MOV10: variants seen among roughly 807,000 people sequenced by gnomAD.
MOV10 encodes RNA helicase MOV-10.
In MOV10, 39 loss-of-function variants were observed where a neutral mutation model predicts 108.4. That is an observed-to-expected ratio of 0.36 (90% CI 0.28 to 0.47). The LOEUF is 0.47. Among genes scored for constraint, MOV10 ranks in the 20% least tolerant of loss-of-function variants. MOV10 has a pLI of 1.00. For missense variants in MOV10, 952 were observed against 1,297.6 expected (o/e 0.73, Z 4.09); for synonymous variants, 490 against 523.1 (o/e 0.94, Z 0.86).
chr1:112,695,928 G>A (rs770305784), intron 11 of MOV10, among the ~76,000 whole-genome samples: 1 of 152,210 alleles, frequency 6.6e-6, no homozygotes, highest in Admixed American at 6.5e-5. Flanking sequence ...TGTAGCCCCA[G>A]CTACTCGGGA....
Position 112,700,314 on chromosome 1 carries a change from T to C in MOV10, c.2894T>C (p.Leu965Pro). ...CAGGGACAGAATTTACTGCAAGGTC[T>C]GAGCAAGCTCAGCCCCTCTACCTCA... Reference protein sequence around the residue: ...LQQGQNLLQGLSKLSPSTSGP... With the variant: ...LQQGQNLLQGPSKLSPSTSGP... The change falls in exon 20 of 21, where the codon CTG becomes CCG. Residue 965 changes from leucine (L) to proline (P), a missense_variant. Transcript: ENST00000369645. The C allele has an allele frequency of 6.2e-7, 1 of 1,614,236 alleles. No homozygotes were observed. The highest frequency in any genetic ancestry group is 8.5e-7 in the Non-Finnish European group (1 of 1,180,034).
intron 5 of MOV10, 22 bp from the exon 6 acceptor site, chr1:112,691,643 T>C: frequency 6.2e-7 from 1 of 1,608,790 alleles, no homozygotes; most frequent in African/African-American, 1.3e-5. Flanking sequence ...GTTTTCTGTG[T>C]TTTCTTCCCT....
intron 2 of MOV10, among the ~76,000 whole-genome samples, chr1:112,682,979 G>T (rs948802993): frequency 6.6e-6 from 1 of 150,604 alleles, no homozygotes; most frequent in East Asian, 1.9e-4. Context: ...GAGTGCAATG[G>T]CATGATCTTG....
Position 112,694,951 on chromosome 1 carries a change from A to T in MOV10, c.1620+55A>T. 1.9e-6 allele frequency: 3 copies of T among 1,549,358 alleles called. No homozygotes were observed. The highest frequency in any genetic ancestry group is 2.6e-6 in the Non-Finnish European group (3 of 1,142,434). ...CACTCTGATTCCCCCAGCACCAAGC[A>T]GTTGTCCCCAGATTCTAGTTCCTTC... On this transcript the variant is annotated intron_variant, in intron 10 of 20. Transcript: ENST00000369645. This position sits in a 1 kb window ranked among gnomAD's most constrained non-coding sequence, Gnocchi z 4.1.
chr1:112,689,377 TCCCACCCCA>T, intron 3 of MOV10, 29 bp from the exon 4 acceptor site: 1 of 792,812 alleles, frequency 1.3e-6, no homozygotes, highest in Non-Finnish European at 2.2e-6. Context: ...GTCAGACCGC[TCCCACCCCA>T]ACCCCCCCTT....
Position 112,689,836 on chromosome 1 carries a change from C to T in MOV10, c.578-4C>T. ...CCCCCATTCACTCATCCATTCTCCT[C>T]CAGGTGAATGCTATGAACTCCATGT... On this transcript the variant is annotated splice_polypyrimidine_tract_variant and splice_region_variant and intron_variant, in intron 4 of 20. Coordinates refer to ENST00000369645, the MANE Select transcript of MOV10 (RefSeq NM_001321324.2). 2 of 1,613,236 alleles carry T rather than the reference C, an allele frequency of 1.2e-6. No homozygotes were observed. The highest frequency in any genetic ancestry group is 1.7e-6 in the Non-Finnish European group (2 of 1,179,368).
In MOV10 at chr1:112,694,442, T is replaced by G; in HGVS notation, c.1296-11T>G. ...CCCCAACAAACTCTTACCACCTCTC[T>G]CTGCCCAAAGCCTCCTGAGCCGCTT... On this transcript the variant is annotated splice_polypyrimidine_tract_variant and intron_variant, in intron 8 of 20. Transcript: ENST00000369645. The surrounding 1 kb of genome is among the most constrained non-coding windows in gnomAD (Gnocchi z 4.1). 1 of 1,613,870 alleles carries G rather than the reference T, an allele frequency of 6.2e-7. No homozygotes were observed. Among genetic ancestry groups the G allele is most frequent in the African/African-American group, 1.3e-5 (1 of 75,028 alleles).
intron 14 of MOV10, among the ~76,000 whole-genome samples, chr1:112,697,114 G>A (rs1240106886): frequency 6.6e-6 from 1 of 152,102 alleles, no homozygotes; most frequent in Non-Finnish European, 1.5e-5. Context: ...GGTGTGTCTG[G>A]TACCAGTCCC....
chr1:112,698,896 CT>C, intron 17 of MOV10, 107 bp downstream of exon 17: 1 of 942,756 alleles, frequency 1.1e-6, no homozygotes. Flanking sequence ...CGTCCCACCC[CT>C]GCTGCCTTGA....
intron 10 of MOV10, among the ~76,000 whole-genome samples, chr1:112,695,171 G>A (rs1173841242): frequency 6.6e-6 from 1 of 152,112 alleles, no homozygotes; most frequent in African/African-American, 2.4e-5. Flanking sequence ...GCTGCAGTGC[G>A]ATTGTGCCAC....
intron 6 of MOV10, among the ~76,000 whole-genome samples, chr1:112,692,096 G>A (rs375123390): frequency 1.3e-5 from 2 of 152,168 alleles, no homozygotes; most frequent in Non-Finnish European, 2.9e-5. Flanking sequence ...TTGGGAGGCC[G>A]AGGCAGGTGG....
chr1:112,688,852 C>T, intron 2 of MOV10, 83 bp from the exon 3 acceptor site: 1 of 1,593,792 alleles, frequency 6.3e-7, no homozygotes, highest in Non-Finnish European at 8.5e-7. Flanking sequence ...CAGAGTGACC[C>T]TCCGATGCCC....
intron 2 of MOV10, among the ~76,000 whole-genome samples, chr1:112,681,846 A>G (rs1672678237): frequency 1.3e-5 from 2 of 151,112 alleles, no homozygotes; most frequent in African/African-American, 4.9e-5. Flanking sequence ...ATTATCAGCT[A>G]GAGTTCAAAA....
chr1:112,693,225 T>C (rs1328659767), intron 7 of MOV10, among the ~76,000 whole-genome samples: 3 of 152,170 alleles, frequency 2.0e-5, no homozygotes, highest in African/African-American at 7.2e-5. Flanking sequence ...TTCTTAGAGC[T>C]CTTTCTGGCT....
At position 112,694,418 on chromosome 1, in the gene MOV10, C is replaced by A; in HGVS notation, c.1296-35C>A. The A allele has an allele frequency of 5.6e-6, 9 of 1,612,824 alleles. No homozygotes were observed. The highest frequency in any genetic ancestry group is 5.9e-6 in the Non-Finnish European group (7 of 1,179,560). On this transcript the variant is annotated intron_variant, in intron 8 of 20. Transcript: ENST00000369645. The surrounding 1 kb of genome is among the most constrained non-coding windows in gnomAD (Gnocchi z 4.1). ...GCCCTTTATTGCCCACCTCCCCTGCCCCAACAAACTCTTACCACCTCTCTC... is the reference window on the plus strand; with the variant it reads ...GCCCTTTATTGCCCACCTCCCCTGCACCAACAAACTCTTACCACCTCTCTC...
In MOV10 at chr1:112,688,613, C is replaced by T. The variant is rs1050553792; in HGVS notation, c.138-322C>T. The T allele has an allele frequency of 2.2e-5, 27 of 1,236,734 alleles. No individual in the cohort carries two copies. The African/African-American group carries it at 4.1e-4, about 19-fold the overall frequency. The allele number at this position is 1,236,734 out of a possible 1,614,324, so 76.6% of individuals were successfully genotyped here. A position where few individuals can be genotyped will look rare whatever the true frequency, so the allele number is the denominator to read the frequency against. On this transcript the variant is annotated intron_variant, in intron 2 of 20. Coordinates refer to ENST00000369645, the MANE Select transcript of MOV10 (RefSeq NM_001321324.2). Reference sequence around the variant, plus strand: ...CAAACAGTTTCCCCCACAAAAAGAACTTTATGTCTTTCTCTGTCTTCCCTC... The same window carrying T: ...CAAACAGTTTCCCCCACAAAAAGAATTTTATGTCTTTCTCTGTCTTCCCTC...
rs771236863 is a variant in MOV10, at chr1:112,696,789, A to G, written c.2141A>G (p.Lys714Arg). 3.1e-6 allele frequency: 5 copies of G among 1,606,310 alleles called. No homozygotes were observed. The highest frequency in any genetic ancestry group is 4.3e-6 in the Non-Finnish European group (5 of 1,176,168). ...CTGCTCACCTACAACTCCCTGTACA[A>G]GAAGGGCCCTGATGGCTATGACCCC... ...ERLLTYNSLY[K>R]KGPDGYDPQF... Residue 714 changes from lysine (K) to arginine (R), a missense_variant, in exon 14 of 21, where the codon AAG becomes AGG. By Grantham distance (26) the Lys-to-Arg change is conservative (BLOSUM62 2). This residue lies in a region of MOV10 where 453 missense variants were observed against 611.5 expected (regional missense o/e 0.74). Transcript: ENST00000369645.
chr1:112,696,074 G>A, intron 11 of MOV10, 74 bp from the exon 12 acceptor site: 1 of 963,336 alleles, frequency 1.0e-6, no homozygotes, highest in Non-Finnish European at 1.7e-6. Flanking sequence ...TTTGAGGGGG[G>A]GTACCCACAG....
At chr1:112,686,016 G>A (rs1010108102) in intron 2 of MOV10, among the ~76,000 whole-genome samples, 1 of 152,184 alleles carries the variant, frequency 6.6e-6, no homozygotes, top group Admixed American at 6.5e-5. Context: ...TCCGGGGCCT[G>A]CATTCCCTAC....
Sources: allele counts gnomAD v4.1 joint callset (sites outside exome capture counted in the v4.1 genomes callset), GRCh38; gene constraint gnomAD v4.1.1; regional missense constraint gnomAD v4.1.1; non-coding constraint Gnocchi (gnomAD v3.1); transcripts MANE v1.5; gene names NCBI Gene and HGNC (gene_info 2026-07-23, HGNC 2026-07-21).